The following TNRC6C variants were observed in gnomAD, a reference collection of about 807,000 sequenced individuals.
TNRC6C encodes trinucleotide repeat containing adaptor 6C, also known as trinucleotide repeat-containing gene 6C protein.
TNRC6C carries 20 observed loss-of-function variants against 153.7 expected under a neutral mutation model. That is an observed-to-expected ratio of 0.13 (90% confidence interval 0.09 to 0.19). The LOEUF (loss-of-function observed/expected upper bound fraction) is 0.19, where lower values mean the gene tolerates loss of function less well. Among genes scored for constraint, TNRC6C ranks in the 10% least tolerant of loss-of-function variants. TNRC6C has a pLI of 1.00. For missense variants in TNRC6C, 1,987 were observed against 2,172.0 expected (o/e 0.91, Z 1.69); for synonymous variants, 811 against 841.4 (o/e 0.96, Z 0.63).
intron 9 of TNRC6C, among the ~76,000 whole-genome samples, chr17:78,078,586 A>T (rs762591431): frequency 6.6e-6 from 1 of 152,126 alleles, no homozygotes; most frequent in Admixed American, 6.5e-5. Flanking sequence ...AACCATATTC[A>T]TGTTGCTGTT....
chr17:77,991,355 G>C (rs1186936841), intron 1 of TNRC6C, among the ~76,000 whole-genome samples: 1 of 152,130 alleles, frequency 6.6e-6, no homozygotes, highest in African/African-American at 2.4e-5. Context: ...GCCATCCACT[G>C]GTTCCAGAGA....
intron 1 of TNRC6C, among the ~76,000 whole-genome samples, chr17:77,995,872 C>T (rs1490612600): frequency 6.6e-6 from 1 of 152,166 alleles, no homozygotes; most frequent in Non-Finnish European, 1.5e-5. Flanking sequence ...AACTCCCATA[C>T]TTCTAGCATG....
upstream of TNRC6C, among the ~76,000 whole-genome samples, chr17:78,003,689 T>C (rs2071448983): frequency 6.6e-6 from 1 of 152,174 alleles, no homozygotes; most frequent in African/African-American, 2.4e-5. Flanking sequence ...GCTGAAAGCA[T>C]CAGCCAAATG....
chr17:78,046,307 A>G (rs999348750), intron 2 of TNRC6C, among the ~76,000 whole-genome samples: 1 of 151,796 alleles, frequency 6.6e-6, no homozygotes, highest in Non-Finnish European at 1.5e-5. Context: ...TCAACTCCCA[A>G]GTAGCTGGAA....
intron 1 of TNRC6C, among the ~76,000 whole-genome samples, chr17:77,967,659 C>CA (rs974919418): frequency 3.9e-5 from 6 of 152,100 alleles, no homozygotes; most frequent in African/African-American, 1.4e-4. Flanking sequence ...GCCACTGACC[C>CA]AATCATGAAA....
intron 10 of TNRC6C, among the ~76,000 whole-genome samples, chr17:78,081,298 A>G (rs1385977942): frequency 1.3e-5 from 2 of 151,720 alleles, no homozygotes; most frequent in African/African-American, 2.4e-5. Flanking sequence ...CATTCAGACC[A>G]TAGCATATGG....
chr17:77,987,926 C>T (rs573463364), intron 1 of TNRC6C, among the ~76,000 whole-genome samples: 106 of 152,160 alleles, frequency 7.0e-4, no homozygotes, highest in African/African-American at 2.5e-3. Context: ...GTTATCCGCC[C>T]GCCTTGGCCT....
At chr17:78,035,083 G>T (rs76300649) in intron 2 of TNRC6C, among the ~76,000 whole-genome samples, 2,062 of 152,278 alleles carry the variant, frequency 0.014, 27 homozygotes, top group Non-Finnish European at 0.02. Flanking sequence ...CATCTAAAAT[G>T]AGAGGTTTGA....
chr17:78,088,457 A>T (rs907925216), intron 13 of TNRC6C, among the ~76,000 whole-genome samples: 2 of 151,058 alleles, frequency 1.3e-5, no homozygotes, highest in Admixed American at 6.6e-5. Context: ...AAGTCTCAAA[A>T]CTCCTGGCCT....
intron 5 of TNRC6C, among the ~76,000 whole-genome samples, chr17:78,069,301 G>A (rs962348402): frequency 2.0e-5 from 3 of 152,152 alleles, no homozygotes; most frequent in Non-Finnish European, 4.4e-5. Context: ...GTGGCTCCTA[G>A]ACACGGACTC....
chr17:78,054,485 C>T (rs2072606386), intron 3 of TNRC6C, among the ~76,000 whole-genome samples: 1 of 151,686 alleles, frequency 6.6e-6, no homozygotes, highest in Non-Finnish European at 1.5e-5. Flanking sequence ...CACGCCACTG[C>T]AGACTACTGT....
chr17:78,048,345 T>C (rs1374921155), intron 2 of TNRC6C, among the ~76,000 whole-genome samples: 2 of 152,244 alleles, frequency 1.3e-5, no homozygotes, highest in Non-Finnish European at 2.9e-5. Flanking sequence ...ATATTGGTTC[T>C]GTTATGATTC....
At chr17:78,026,199 T>C (rs931744522) in intron 1 of TNRC6C, among the ~76,000 whole-genome samples, 2 of 152,344 alleles carry the variant, frequency 1.3e-5, no homozygotes, top group African/African-American at 4.8e-5. Context: ...TATTTAGCAC[T>C]CACTGTTGTC....
At chr17:78,068,017 T>A in intron 5 of TNRC6C, 94 bp downstream of exon 7, 1 of 1,446,610 alleles carries the variant, frequency 6.9e-7, no homozygotes, top group Non-Finnish European at 9.2e-7. Context: ...AAGATAGACC[T>A]GAGGTTCTCA....
chr17:78,069,849 AGT>A (rs767475553), intron 5 of TNRC6C, among the ~76,000 whole-genome samples: 1 of 152,260 alleles, frequency 6.6e-6, no homozygotes, highest in African/African-American at 2.4e-5. Context: ...TGTGTATGTG[AGT>A]GTGTGTATGC....
intron 1 of TNRC6C, among the ~76,000 whole-genome samples, chr17:77,987,713 G>A (rs1016278717): frequency 2.0e-5 from 3 of 151,964 alleles, no homozygotes; most frequent in Non-Finnish European, 2.9e-5. Flanking sequence ...TCTCTCTGTC[G>A]CCCAGGCTGG....
chr17:78,010,485 G>A (rs1400874375), intron 1 of TNRC6C, among the ~76,000 whole-genome samples: 1 of 152,140 alleles, frequency 6.6e-6, no homozygotes, highest in Admixed American at 6.5e-5. Context: ...CAATTTTATA[G>A]TCACACATAG....
exon 20 of TNRC6C, chr17:78,105,730 T>G (rs2073682763): frequency 6.6e-6 from 1 of 152,228 alleles, no homozygotes; most frequent in African/African-American, 2.4e-5. Flanking sequence ...TAACTGTGGG[T>G]TTTCCCTTGT....
At chr17:78,008,042 A>G (rs1262547062) in intron 1 of TNRC6C, among the ~76,000 whole-genome samples, 3 of 152,308 alleles carry the variant, frequency 2.0e-5, no homozygotes, top group Non-Finnish European at 4.4e-5. Flanking sequence ...TCTCCTGGAG[A>G]ATATTAACTA....
Sources: gnomAD v4.1 joint callset for allele counts (sites outside exome capture counted in the v4.1 genomes callset) on GRCh38, gnomAD v4.1.1 for gene constraint, MANE v1.5 for transcripts, NCBI Gene and HGNC (gene_info 2026-07-23, HGNC 2026-07-21) for gene names.